MICU2: variants seen among roughly 807,000 people sequenced by gnomAD.
The protein encoded by MICU2 is mitochondrial calcium uptake 2.
Under a neutral mutation model 60.4 loss-of-function variants are expected in MICU2, and 64 were observed. The observed-to-expected ratio is 1.06, with a 90% CI of 0.87 to 1.31. The LOEUF is 1.31. Ranked by LOEUF, MICU2 falls within the 50% of genes most tolerant of loss-of-function variation. The pLI, the probability that MICU2 is intolerant of heterozygous loss-of-function variation, is 0.00. For missense variants in MICU2, 569 were observed against 531.0 expected (o/e 1.07, Z -0.70); for synonymous variants, 201 against 175.0 (o/e 1.15, Z -1.17).
intron 1 of MICU2, among the ~76,000 whole-genome samples, chr13:21,598,490 C>T (rs144302433): frequency 2.5e-3 from 376 of 152,146 alleles, no homozygotes; most frequent in African/African-American, 7.7e-3. Flanking sequence ...CTGAGGCGGA[C>T]GGATCACCTG....
intron 4 of MICU2, among the ~76,000 whole-genome samples, chr13:21,529,118 T>C (rs980134626): frequency 2.0e-5 from 3 of 152,322 alleles, no homozygotes; most frequent in Admixed American, 2.0e-4. Context: ...ATCTGTTTCC[T>C]ATTCTCTAGA....
In MICU2 at chr13:21,542,555, A is replaced by T. The variant is rs189779924; in HGVS notation, c.359-2867T>A. ...TATGTATTCACACACTTATGTATGAAAATAACAGAATGGGGCAAAAAACAG... is the reference window on the plus strand; with the variant it reads ...TATGTATTCACACACTTATGTATGATAATAACAGAATGGGGCAAAAAACAG... On this transcript the variant is annotated intron_variant, in intron 2 of 11. Coordinates refer to ENST00000382374, the MANE Select transcript of MICU2 (RefSeq NM_152726.3). Among the ~76,000 whole-genome samples the T allele has an allele frequency of 2.1e-3, 327 of 152,348 alleles. 3 individuals are homozygous for T. The highest frequency in any genetic ancestry group is 3.8e-3 in the Non-Finnish European group (258 of 68,028).
chr13:21,551,007 A>G (rs1887546711), intron 2 of MICU2, among the ~76,000 whole-genome samples: 1 of 152,116 alleles, frequency 6.6e-6, no homozygotes, highest in Admixed American at 6.5e-5. Context: ...CTATCCTTTG[A>G]TCTCAACGGG....
intron 8 of MICU2, among the ~76,000 whole-genome samples, chr13:21,507,944 T>G (rs1455291040): frequency 6.6e-6 from 1 of 151,882 alleles, no homozygotes; most frequent in Non-Finnish European, 1.5e-5. Context: ...TTCTTTCTTT[T>G]TTTTGACAGA....
rs774889796 is a variant in MICU2 at position 21,493,225 on chromosome 13, AT to A, written c.*23del. The A allele has an allele frequency of 3.4e-5, 51 of 1,496,560 alleles. No individual in the cohort carries two copies. The highest frequency in any genetic ancestry group is 4.5e-5 in the Non-Finnish European group (49 of 1,097,966). 92.7% of individuals were successfully genotyped at this position (1,496,560 alleles called of 1,614,324 possible). On this transcript the variant is annotated 3_prime_UTR_variant, in exon 12 of 12. Coordinates refer to ENST00000382374, the MANE Select transcript of MICU2 (RefSeq NM_152726.3). ...AAATTTTGACATTTGGAACAATATAATTGCCATACTATTATATCTTTTATTA... is the reference window on the plus strand; with the variant it reads ...AAATTTTGACATTTGGAACAATATAATGCCATACTATTATATCTTTTATTA...
Position 21,496,053 on chromosome 13 carries a change from T to A in MICU2, c.1041A>T (p.Leu347=). 1.2e-6 allele frequency: 2 copies of A among 1,607,792 alleles called. No individual in the cohort carries two copies. The highest frequency in any genetic ancestry group is 1.7e-6 in the Non-Finnish European group (2 of 1,176,432). ...MFSLAHRPVR[L]AEFKRAVKVA... is the part of the protein sequence containing the mutation. The stretch of plus-strand genomic sequence containing the variant: ...TAAATGGTTTTTCATATAACTTACC[T>A]AGTCTGACAGGACGATGAGCTAAAC... Residue 347 remains leucine (L), a splice_region_variant and synonymous_variant, in exon 10 of 12, where the codon CTA becomes CTT. Coordinates refer to ENST00000382374, the MANE Select transcript of MICU2 (RefSeq NM_152726.3).
At chr13:21,518,453 T>C (rs1886635740) in intron 6 of MICU2, among the ~76,000 whole-genome samples, 1 of 152,228 alleles carries the variant, frequency 6.6e-6, no homozygotes, top group Non-Finnish European at 1.5e-5. Flanking sequence ...CACCCACTAT[T>C]ATTATCAGGG....
chr13:21,565,695 T>C (rs1344784133), intron 2 of MICU2, among the ~76,000 whole-genome samples: 2 of 151,774 alleles, frequency 1.3e-5, no homozygotes, highest in Non-Finnish European at 2.9e-5. Context: ...TAGCCAGGCA[T>C]GGTGGTGGGC....
intron 6 of MICU2, among the ~76,000 whole-genome samples, chr13:21,516,929 TA>T (rs1886584782): frequency 6.6e-6 from 1 of 152,222 alleles, no homozygotes; most frequent in South Asian, 2.1e-4. Flanking sequence ...GACCTGTCAT[TA>T]ATCTACTGTT....
intron 1 of MICU2, among the ~76,000 whole-genome samples, chr13:21,573,838 A>G (rs1888168337): frequency 6.6e-6 from 1 of 152,164 alleles, no homozygotes; most frequent in African/African-American, 2.4e-5. Flanking sequence ...AAAGCAGTAC[A>G]AGGTGGGTAA....
At chr13:21,546,727 AGAGT>A (rs1426863173) in intron 2 of MICU2, among the ~76,000 whole-genome samples, 2 of 152,270 alleles carry the variant, frequency 1.3e-5, no homozygotes, top group East Asian at 1.9e-4. Context: ...GTAATTTGAT[AGAGT>A]GTGTAGGGGA....
At chr13:21,502,743 C>T in intron 9 of MICU2, 183 bp downstream of exon 9, 1 of 486,302 alleles carries the variant, frequency 2.1e-6, no homozygotes, top group South Asian at 3.0e-5. Flanking sequence ...GTAATTGCTA[C>T]ACTGATTCTG....
intron 1 of MICU2, among the ~76,000 whole-genome samples, chr13:21,601,704 T>A (rs113622534): frequency 4.7e-4 from 72 of 152,114 alleles, no homozygotes; most frequent in African/African-American, 1.7e-3. Context: ...GTGAGCGGTA[T>A]TTAAGTCTTG....
At chr13:21,580,823 C>T (rs1337800567) in intron 1 of MICU2, among the ~76,000 whole-genome samples, 1 of 152,082 alleles carries the variant, frequency 6.6e-6, no homozygotes, top group Non-Finnish European at 1.5e-5. Flanking sequence ...CACTTACAGG[C>T]TGGAGGATGA....
intron 1 of MICU2, among the ~76,000 whole-genome samples, chr13:21,597,460 G>A (rs559185030): frequency 1.3e-5 from 2 of 152,170 alleles, no homozygotes; most frequent in South Asian, 2.1e-4. Flanking sequence ...CAATCAAACC[G>A]AAGTTAGAGA....
intron 1 of MICU2, among the ~76,000 whole-genome samples, chr13:21,596,153 C>T (rs188303581): frequency 2.1e-4 from 32 of 152,214 alleles, no homozygotes; most frequent in African/African-American, 6.7e-4. Flanking sequence ...TTGTCACTTC[C>T]ATTCAGTGCT....
chr13:21,503,049 C>A lies in MICU2; in HGVS notation c.810G>T (p.Gln270His). 1 of 1,604,282 alleles carries A rather than the reference C, an allele frequency of 6.2e-7. No individual in the cohort carries two copies. The highest frequency in any genetic ancestry group is 2.2e-5 in the East Asian group (1 of 44,802). Residue 270 changes from glutamine to histidine, a missense_variant, in exon 9 of 12, where the codon CAG becomes CAT. Physicochemically the swap from Gln to His is conservative, Grantham distance 24. Coordinates refer to ENST00000382374, the MANE Select transcript of MICU2 (RefSeq NM_152726.3). ...QTEIQEMEFL[Q>H]FSKGLSFMRK... is the part of the protein sequence containing the mutation. ...TCATGAAACTCAAACCTTTAGAAAACTGAAGGAATTCCATTTCTTGAATCT... is the reference window on the plus strand; with the variant it reads ...TCATGAAACTCAAACCTTTAGAAAAATGAAGGAATTCCATTTCTTGAATCT...
At chr13:21,587,661 T>C (rs1209654515) in intron 1 of MICU2, among the ~76,000 whole-genome samples, 3 of 152,182 alleles carry the variant, frequency 2.0e-5, no homozygotes, top group Non-Finnish European at 4.4e-5. Context: ...TCGAAGTGAA[T>C]TTAGTCATTT....
chr13:21,583,817 C>T (rs374829087), intron 1 of MICU2, among the ~76,000 whole-genome samples: 2 of 152,166 alleles, frequency 1.3e-5, no homozygotes, highest in Admixed American at 6.5e-5. Context: ...GGTTTCTTAA[C>T]TGGGCAATTA....
Sources: allele counts gnomAD v4.1 joint callset (sites outside exome capture counted in the v4.1 genomes callset), GRCh38; gene constraint gnomAD v4.1.1; transcripts MANE v1.5; gene names NCBI Gene and HGNC (gene_info 2026-07-23, HGNC 2026-07-21).